The following PRKN variants were observed in gnomAD, a reference collection of about 807,000 sequenced individuals.
PRKN encodes the protein parkin RBR E3 ubiquitin protein ligase, also known as E3 ubiquitin-protein ligase parkin.
Under a neutral mutation model 59.5 loss-of-function variants are expected in PRKN, and 56 were observed. The ratio of observed to expected loss-of-function variants is 0.94; its 90% CI spans 0.76 to 1.18. The LOEUF (loss-of-function observed/expected upper bound fraction) is 1.18. Among genes scored for constraint, PRKN ranks in the 50% most tolerant of loss-of-function variants. The pLI, the probability that PRKN is intolerant of heterozygous loss-of-function variation, is 0.00. For missense variants in PRKN, 657 were observed against 596.4 expected (o/e 1.10, Z -1.06); for synonymous variants, 250 against 222.1 (o/e 1.13, Z -1.12).
intron 1 of PRKN, among the ~76,000 whole-genome samples, chr6:162,478,669 A>G (rs1357346518): frequency 6.6e-6 from 1 of 152,182 alleles, no homozygotes; most frequent in African/African-American, 2.4e-5. Flanking sequence ...TTTTGGGAAC[A>G]CCACGGAAGG....
Position 161,545,111 on chromosome 6 carries a change from A to G in PRKN, c.1083+3743T>C, listed in dbSNP as rs866976476. The G allele has an allele frequency of 1.6e-6, 2 of 1,239,584 alleles. No individual in the cohort carries two copies. The highest frequency in any genetic ancestry group is 1.6e-5 in the African/African-American group (1 of 64,470). The allele number at this position is 1,239,584 out of a possible 1,614,324, so 76.8% of individuals were successfully genotyped here. Reference sequence around the variant, plus strand: ...ATTTTAAATCCCACAAATGACAGAGAATTTGGTTTTCAACTTTTTTATACG... The same window carrying G: ...ATTTTAAATCCCACAAATGACAGAGGATTTGGTTTTCAACTTTTTTATACG... On this transcript the variant is annotated intron_variant, in intron 9 of 11. Coordinates refer to ENST00000366898, the MANE Select transcript of PRKN (RefSeq NM_004562.3). The surrounding 1 kb of genome is among the most constrained non-coding windows in gnomAD (Gnocchi z 4.1).
At chr6:161,990,751 A>G (rs1781615030) in intron 5 of PRKN, among the ~76,000 whole-genome samples, 1 of 152,192 alleles carries the variant, frequency 6.6e-6, no homozygotes, top group South Asian at 2.1e-4. Context: ...CCTATGGGAT[A>G]TATGGGACAC....
chr6:162,307,314 C>G (rs541935011), intron 2 of PRKN, among the ~76,000 whole-genome samples: 188 of 151,568 alleles, frequency 1.2e-3, no homozygotes, highest in Non-Finnish European at 2.4e-3. Context: ...GCAGGAGAAT[C>G]GCTTTAACCC....
chr6:161,750,291 A>G (rs1279510164), intron 7 of PRKN, among the ~76,000 whole-genome samples: 1 of 152,134 alleles, frequency 6.6e-6, no homozygotes, highest in African/African-American at 2.4e-5. Context: ...ACTACCAAAT[A>G]AAACACTTAT....
At chr6:161,836,509 A>G (rs1238866503) in intron 6 of PRKN, among the ~76,000 whole-genome samples, 2 of 152,198 alleles carry the variant, frequency 1.3e-5, no homozygotes, top group Non-Finnish European at 2.9e-5. Context: ...AGTTCAGGGA[A>G]CTTGGATAGA....
At chr6:161,505,686 T>G (rs978980995) in intron 9 of PRKN, among the ~76,000 whole-genome samples, 3 of 131,872 alleles carry the variant, frequency 2.3e-5, no homozygotes, top group Non-Finnish European at 3.2e-5. Flanking sequence ...TTAATCCATC[T>G]TGAATTGATT....
At chr6:162,282,731 G>C (rs1034524944) in intron 2 of PRKN, among the ~76,000 whole-genome samples, 2 of 152,176 alleles carry the variant, frequency 1.3e-5, no homozygotes, top group African/African-American at 4.8e-5. Context: ...AGAATAGCAT[G>C]CACTATTATT....
intron 2 of PRKN, among the ~76,000 whole-genome samples, chr6:162,406,466 G>C (rs1013706685): frequency 2.0e-4 from 30 of 152,004 alleles, no homozygotes; most frequent in African/African-American, 5.6e-4. Flanking sequence ...CTTAGATATA[G>C]ACTCTCTATG....
At chr6:162,508,367 C>T (rs1793698234) in intron 1 of PRKN, among the ~76,000 whole-genome samples, 1 of 152,194 alleles carries the variant, frequency 6.6e-6, no homozygotes, top group African/African-American at 2.4e-5. Context: ...GCTTATGTCA[C>T]ATTATCTTTC....
Position 162,451,414 on chromosome 6 carries a change from T to C in PRKN, c.8-7941A>G, listed in dbSNP as rs73606348. On this transcript the variant is annotated intron_variant, in intron 1 of 11. Coordinates refer to ENST00000366898, the MANE Select transcript of PRKN (RefSeq NM_004562.3). ...GCAATGAGTGGAAAGATATGACAGATAATCAGAGAAATAGAAATTATAAAA... is the reference window on the plus strand; with the variant it reads ...GCAATGAGTGGAAAGATATGACAGACAATCAGAGAAATAGAAATTATAAAA... 3.9e-3 allele frequency among the ~76,000 whole-genome samples: 559 copies of C among 142,496 alleles called. 5 individuals carry two copies. The highest frequency in any genetic ancestry group is 0.014 in the African/African-American group (535 of 38,552). The allele number at this position is 142,496 out of a possible 152,430, so 93.5% of individuals were successfully genotyped here. A position where few individuals can be genotyped will look rare whatever the true frequency, so the allele number is the denominator to read the frequency against.
chr6:162,130,272 G>A (rs1781294713), intron 4 of PRKN, among the ~76,000 whole-genome samples: 1 of 151,998 alleles, frequency 6.6e-6, no homozygotes, highest in South Asian at 2.1e-4. Flanking sequence ...GAAATATCTT[G>A]TTTTAGTCAA....
At chr6:161,785,140 T>G (rs563582810) in intron 7 of PRKN, among the ~76,000 whole-genome samples, 1 of 152,026 alleles carries the variant, frequency 6.6e-6, no homozygotes, top group Non-Finnish European at 1.5e-5. Flanking sequence ...GGGTAGGAGG[T>G]GTTCAGAAAG....
intron 7 of PRKN, among the ~76,000 whole-genome samples, chr6:161,779,100 T>G (rs1170252537): frequency 1.3e-5 from 2 of 151,928 alleles, no homozygotes; most frequent in East Asian, 3.9e-4. Context: ...CCACCACGCC[T>G]GGCTAATTTT....
chr6:161,685,345 A>G (rs9689621), intron 7 of PRKN, among the ~76,000 whole-genome samples: 6,035 of 152,294 alleles, frequency 0.04, 398 homozygotes, highest in African/African-American at 0.14. Flanking sequence ...TGATTTCTCC[A>G]GAATCAGATC....
At chr6:162,001,265 C>G (rs766162252) in intron 5 of PRKN, among the ~76,000 whole-genome samples, 1 of 152,030 alleles carries the variant, frequency 6.6e-6, no homozygotes, top group East Asian at 1.9e-4. Flanking sequence ...TTGAGTCCTC[C>G]TATCCATGAA....
chr6:161,795,972 A>G (rs1458162607), intron 6 of PRKN, among the ~76,000 whole-genome samples: 2 of 152,200 alleles, frequency 1.3e-5, no homozygotes, highest in African/African-American at 4.8e-5. Context: ...GAAATTAAAA[A>G]TTATATTAAA....
chr6:161,945,064 G>A lies in PRKN; in HGVS notation c.734+28238C>T, dbSNP rs151142231. On this transcript the variant is annotated intron_variant, in intron 6 of 11. Coordinates refer to ENST00000366898, the MANE Select transcript of PRKN (RefSeq NM_004562.3). ...CTATTTAGGGTTTTAAACCATAACA[G>A]TGGAAAATATCAAGATTGACTTTAA... 2.4e-3 allele frequency among the ~76,000 whole-genome samples: 370 copies of A among 152,104 alleles called. 3 individuals carry two copies. The highest frequency in any genetic ancestry group is 8.7e-3 in the African/African-American group (361 of 41,486).
At chr6:161,656,859 A>G (rs761208247) in intron 7 of PRKN, among the ~76,000 whole-genome samples, 1 of 152,194 alleles carries the variant, frequency 6.6e-6, no homozygotes, top group African/African-American at 2.4e-5. Flanking sequence ...TTCACCAGAC[A>G]GGTGACGTGA....
At chr6:162,629,780 C>A (rs897604809) in intron 1 of PRKN, among the ~76,000 whole-genome samples, 4 of 151,998 alleles carry the variant, frequency 2.6e-5, no homozygotes, top group Non-Finnish European at 4.4e-5. Context: ...GTGCTTTAAA[C>A]AATGTTAGAA....
Sources: gnomAD v4.1 joint callset for allele counts (sites outside exome capture counted in the v4.1 genomes callset) on GRCh38, gnomAD v4.1.1 for gene constraint, Gnocchi (gnomAD v3.1) non-coding constraint, MANE v1.5 for transcripts, NCBI Gene and HGNC (gene_info 2026-07-23, HGNC 2026-07-21) for gene names.